Variants in NOP9 observed in about 807,000 individuals in gnomAD.
The protein encoded by NOP9 is nucleolar protein 9.
Under a neutral mutation model 63.0 loss-of-function variants are expected in NOP9, and 50 were observed. That is an observed-to-expected ratio of 0.79 (90% CI 0.63 to 1.00). NOP9 has a LOEUF of 1.00. Among genes scored for constraint, NOP9 ranks in the 50% least tolerant of loss-of-function variants. The probability of loss-of-function intolerance (pLI) is 0.00; values close to 1 mark genes in which losing one functional copy is unlikely to be tolerated. For missense variants in NOP9, 758 were observed against 803.0 expected, an observed-to-expected ratio of 0.94 and a Z score of 0.68; for synonymous variants, 343 against 332.8, an observed-to-expected ratio of 1.03 and a Z score of -0.33.
chr14:24,292,745 C>T, the NOP9 span: 2 of 1,614,178 alleles, frequency 1.2e-6, no homozygotes, highest in Non-Finnish European at 1.7e-6. Flanking sequence ...CAGCTGGTAC[C>T]ATCAGCCGTG....
chr14:24,302,999 G>A (rs771108200), intron 5 of NOP9, 75 bp from the exon 6 acceptor site: 6 of 1,445,672 alleles, frequency 4.2e-6, no homozygotes, highest in South Asian at 1.5e-5. Flanking sequence ...AGTTGTTTTC[G>A]TTGGGAAGAT....
At chr14:24,304,328 A>C (rs2041437503) in intron 8 of NOP9, 51 bp downstream of exon 8, 1 of 1,495,664 alleles carries the variant, frequency 6.7e-7, no homozygotes, top group Non-Finnish European at 9.3e-7. Context: ...CATTTAGAGA[A>C]TATGAGCTTT....
At position 24,304,106 on chromosome 14, in the gene NOP9, T is replaced by C; in HGVS notation, c.1476T>C (p.His492=). 1 of 1,614,262 alleles carries C rather than the reference T, an allele frequency of 6.2e-7. No individual in the cohort carries two copies. The highest frequency in any genetic ancestry group is 8.5e-7 in the Non-Finnish European group (1 of 1,180,044). The change falls in exon 8 of 10, where the codon CAT becomes CAC. Residue 492 remains histidine, a synonymous_variant. Transcript: ENST00000267425. ...VTVLGSLLLQ[H]LLHFSTPGLV... ...TCCTTGGGTCTCTACTGCTCCAGCA[T>C]CTGCTGCACTTCTCCACTCCTGGTC... is the stretch of plus-strand genomic sequence containing the variant.
Position 24,305,115 on chromosome 14 carries a change from G to A in NOP9, c.*20G>A. The A allele has an allele frequency of 3.5e-6, 5 of 1,448,924 alleles. No individual in the cohort carries two copies. The highest frequency in any genetic ancestry group is 4.6e-6 in the Non-Finnish European group (5 of 1,090,812). The allele number at this position is 1,448,924 out of a possible 1,614,324, so 89.8% of individuals were successfully genotyped here. Reference sequence around the variant, plus strand: ...GACTGAGGCTTTGGATCTGGGACTGGGTGTTGATGGGGGAGGGCAAAATGG... The same window carrying A: ...GACTGAGGCTTTGGATCTGGGACTGAGTGTTGATGGGGGAGGGCAAAATGG... On this transcript the variant is annotated 3_prime_UTR_variant, in exon 10 of 10. Coordinates refer to ENST00000267425, the MANE Select transcript of NOP9 (RefSeq NM_174913.3).
chr14:24,284,745 C>T, the NOP9 span, among the ~76,000 whole-genome samples: 3 of 152,146 alleles, frequency 2.0e-5, no homozygotes, highest in African/African-American at 7.2e-5. Flanking sequence ...AGAGACAGGG[C>T]CAAGGCCTTT....
chr14:24,300,056 C>G lies in NOP9; in HGVS notation c.102C>G (p.Gly34=). 2 of 1,611,984 alleles carry G rather than the reference C, an allele frequency of 1.2e-6. No individual in the cohort carries two copies. Among genetic ancestry groups the G allele is most frequent in the South Asian group, 2.2e-5 (2 of 91,050 alleles). ...AGGGGTCGGGGCGCCCCTTACCAGG[C>G]CGTAAGCGGCAACCCTGGCCGCCTC... ...GAKGSGRPLP[G]RKRQPWPPPD... is the part of the protein sequence containing the mutation. The change falls in exon 1 of 10, where the codon GGC becomes GGG. Residue 34 remains glycine, a synonymous_variant. Coordinates refer to ENST00000267425, the MANE Select transcript of NOP9 (RefSeq NM_174913.3).
At chr14:24,290,763 T>C in the NOP9 span, 2 of 1,504,506 alleles carry the variant, frequency 1.3e-6, no homozygotes, top group Non-Finnish European at 1.8e-6. Flanking sequence ...ATCAAGGGTA[T>C]GGGTAAACAA....
the NOP9 span, among the ~76,000 whole-genome samples, chr14:24,285,880 T>A: frequency 6.6e-6 from 1 of 151,790 alleles, no homozygotes; most frequent in East Asian, 1.9e-4. Flanking sequence ...TCCCAGCTAC[T>A]CAGGAGGCTG....
the NOP9 span, among the ~76,000 whole-genome samples, chr14:24,288,170 G>A: frequency 6.6e-6 from 1 of 152,178 alleles, no homozygotes; most frequent in East Asian, 1.9e-4. Flanking sequence ...TGGGGTCCCA[G>A]TTCACTCACT....
At chr14:24,291,088 G>C in the NOP9 span, 1 of 1,613,078 alleles carries the variant, frequency 6.2e-7, no homozygotes, top group African/African-American at 1.3e-5. Flanking sequence ...GGAGTGGGCA[G>C]GGAACAGAGG....
At chr14:24,303,300 T>C in intron 6 of NOP9, 86 bp downstream of exon 6, 3 of 1,548,890 alleles carry the variant, frequency 1.9e-6, no homozygotes, top group South Asian at 1.1e-5. Context: ...TTTTTGTACC[T>C]CTGGACTCAG....
At position 24,305,019 on chromosome 14, in the gene NOP9, G is replaced by A. The variant is rs142732440; in HGVS notation, c.1835G>A (p.Arg612Gln). Reference protein sequence around the residue: ...RNVALTTFLKRREAWEQQQGA... With the variant: ...RNVALTTFLKQREAWEQQQGA... ...GTGGCCTTGACTACCTTCCTAAAGC[G>A]GCGAGAGGCTTGGGAACAGCAGCAG... The change falls in exon 10 of 10, where the codon CGG (arginine) becomes CAG (glutamine). Residue 612 changes from arginine (R) to glutamine (Q), a missense_variant. Transcript: ENST00000267425. 25 of 1,607,494 alleles carry A rather than the reference G, an allele frequency of 1.6e-5. No homozygotes were observed. The highest frequency in any genetic ancestry group is 1.2e-4 in the African/African-American group (9 of 74,604).
At chr14:24,292,775 G>A in the NOP9 span, 1 of 1,612,432 alleles carries the variant, frequency 6.2e-7, no homozygotes, top group Non-Finnish European at 8.5e-7. Flanking sequence ...CTGAGCAAAA[G>A]TAGTGGCCTC....
Position 24,304,999 on chromosome 14 carries a change from C to T in NOP9, c.1815C>T (p.Ala605=), listed in dbSNP as rs758280535. ...GCCACCATGTGGCTCGAAATGTGGC[C>T]TTGACTACCTTCCTAAAGCGGCGAG... is the stretch of plus-strand genomic sequence containing the variant. ...PFGHHVARNV[A]LTTFLKRREA... Residue 605 remains alanine, a synonymous_variant, in exon 10 of 10, where the codon GCC becomes GCT. Transcript: ENST00000267425. 26 of 1,603,230 alleles carry T rather than the reference C, an allele frequency of 1.6e-5. No homozygotes were observed. The highest frequency in any genetic ancestry group is 2.2e-5 in the Non-Finnish European group (26 of 1,175,666).
At chr14:24,279,353 T>C in the NOP9 span, among the ~76,000 whole-genome samples, 1 of 152,238 alleles carries the variant, frequency 6.6e-6, no homozygotes, top group Non-Finnish European at 1.5e-5. Flanking sequence ...TGCTCCCCAG[T>C]TCCTTCTGAG....
At chr14:24,292,811 A>C in the NOP9 span, 1 of 1,605,234 alleles carries the variant, frequency 6.2e-7, no homozygotes, top group South Asian at 1.1e-5. Flanking sequence ...GGGAAGAAGG[A>C]ATGAACCGTG....
the NOP9 span, among the ~76,000 whole-genome samples, chr14:24,288,196 A>G: frequency 1.3e-5 from 2 of 152,172 alleles, no homozygotes; most frequent in Non-Finnish European, 2.9e-5. Flanking sequence ...CAATAAATGG[A>G]AGGTCTAGAT....
chr14:24,279,959 CAG>C, the NOP9 span, among the ~76,000 whole-genome samples: 9 of 152,164 alleles, frequency 5.9e-5, no homozygotes, highest in Non-Finnish European at 1.3e-4. Context: ...TAGATGAACA[CAG>C]GGGGCTAAGG....
rs1388271024 is a variant in NOP9, at chr14:24,305,189, A to C, written c.*94A>C. 8.3e-7 allele frequency: 1 copy of C among 1,205,868 alleles called. No homozygotes were observed. Among genetic ancestry groups the C allele is most frequent in the Non-Finnish European group, 1.1e-6 (1 of 910,168 alleles). 74.7% of individuals were successfully genotyped at this position (1,205,868 alleles called of 1,614,324 possible). A position where few individuals can be genotyped will look rare whatever the true frequency, so the allele number is the denominator to read the frequency against. ...GGTTTAAATTGGAGTCAGAAGTCTTAGTGGTAAATATTTGATATTTTTATT... is the reference window on the plus strand; with the variant it reads ...GGTTTAAATTGGAGTCAGAAGTCTTCGTGGTAAATATTTGATATTTTTATT... On this transcript the variant is annotated 3_prime_UTR_variant, in exon 10 of 10. Coordinates refer to ENST00000267425, the MANE Select transcript of NOP9 (RefSeq NM_174913.3).
Sources: allele counts gnomAD v4.1 joint callset (sites outside exome capture counted in the v4.1 genomes callset), GRCh38; gene constraint gnomAD v4.1.1; transcripts MANE v1.5; gene names NCBI Gene and HGNC (gene_info 2026-07-23, HGNC 2026-07-21).